DTD1: variants seen among roughly 807,000 people sequenced by gnomAD.
The protein encoded by DTD1 is D-aminoacyl-tRNA deacylase 1, also known as D-tyrosyl-tRNA deacylase 1 homolog.
In DTD1, 13 loss-of-function variants were observed where a neutral mutation model predicts 25.6. The observed-to-expected ratio is 0.51, with a 90% CI of 0.33 to 0.81. The LOEUF is 0.81. Ranked by LOEUF, DTD1 falls within the 30% of genes least tolerant of loss-of-function variation. The pLI is 0.02. For missense variants in DTD1, 193 were observed against 266.4 expected (o/e 0.72, Z 1.92); for synonymous variants, 110 against 103.6 (o/e 1.06, Z -0.37).
At chr20:18,636,162 A>C (rs1177035286) in intron 4 of DTD1, among the ~76,000 whole-genome samples, 5 of 152,198 alleles carry the variant, frequency 3.3e-5, no homozygotes, top group South Asian at 2.1e-4. Flanking sequence ...TTAAAAAAAA[A>C]CGAACTCCTT....
At chr20:18,719,950 A>C (rs1313082629) in intron 4 of DTD1, among the ~76,000 whole-genome samples, 1 of 152,264 alleles carries the variant, frequency 6.6e-6, no homozygotes, top group South Asian at 2.1e-4. Flanking sequence ...CTCAGTTAAA[A>C]GCCTGAGGCA....
At chr20:18,734,609 GC>G (rs2061249304) in intron 4 of DTD1, among the ~76,000 whole-genome samples, 1 of 152,204 alleles carries the variant, frequency 6.6e-6, no homozygotes, top group African/African-American at 2.4e-5. Flanking sequence ...CAGAGAAACA[GC>G]CTAAACCATT....
intron 4 of DTD1, among the ~76,000 whole-genome samples, chr20:18,634,355 C>T (rs2060799460): frequency 2.6e-5 from 4 of 152,174 alleles, no homozygotes; most frequent in Admixed American, 2.6e-4. Flanking sequence ...TCCCTGGGGC[C>T]TAGGGCCCAC....
At chr20:18,723,804 T>G (rs2061214023) in intron 4 of DTD1, among the ~76,000 whole-genome samples, 2 of 152,246 alleles carry the variant, frequency 1.3e-5, no homozygotes, top group Admixed American at 1.3e-4. Flanking sequence ...TCAGATATTT[T>G]TGCTACAGGT....
chr20:18,712,710 T>G (rs1454460932), intron 4 of DTD1, among the ~76,000 whole-genome samples: 1 of 152,174 alleles, frequency 6.6e-6, no homozygotes, highest in African/African-American at 2.4e-5. Context: ...AATGCACATA[T>G]TTGGGATCCA....
At chr20:18,609,516 AT>A (rs5840819) in intron 3 of DTD1, among the ~76,000 whole-genome samples, 76,234 of 150,736 alleles carry the variant, frequency 0.51, 19,560 homozygotes, top group Middle Eastern at 0.56. Flanking sequence ...GCAAACCCAG[AT>A]TTTTTTTTTA....
chr20:18,697,918 C>T (rs1259220264), intron 4 of DTD1, among the ~76,000 whole-genome samples: 1 of 152,120 alleles, frequency 6.6e-6, no homozygotes, highest in Non-Finnish European at 1.5e-5. Context: ...TCTCTCAACT[C>T]ATATAATTTT....
chr20:18,601,422 G>A (rs947204344), intron 3 of DTD1, among the ~76,000 whole-genome samples: 22 of 150,788 alleles, frequency 1.5e-4, no homozygotes, highest in Non-Finnish European at 2.8e-4. Flanking sequence ...TCGCTTGAAC[G>A]TGGGAGGCGC....
At chr20:18,720,712 G>C (rs1429808787) in intron 4 of DTD1, among the ~76,000 whole-genome samples, 2 of 152,116 alleles carry the variant, frequency 1.3e-5, no homozygotes, top group African/African-American at 2.4e-5. Flanking sequence ...ACAAAAATTA[G>C]CCAGGCATGG....
At chr20:18,588,678 C>T in intron 1 of DTD1, 1 of 974,660 alleles carries the variant, frequency 1.0e-6, no homozygotes. Flanking sequence ...TGAGGGGCGC[C>T]CCCTGCCCAG....
Position 18,660,006 on chromosome 20 carries a change from G to T in DTD1, c.477+31773G>T, listed in dbSNP as rs566135688. On this transcript the variant is annotated intron_variant, in intron 4 of 5. Transcript: ENST00000377452. ...CCCAGCACTTTGGGAGGCCGAAGTG[G>T]TGGATCACTTGAGGTCAGAAGAGGA... 1.2e-3 allele frequency among the ~76,000 whole-genome samples: 187 copies of T among 152,248 alleles called. 1 individual carries two copies. Among genetic ancestry groups the T allele is most frequent in the Non-Finnish European group, 1.2e-3 (81 of 68,012 alleles).
intron 4 of DTD1, among the ~76,000 whole-genome samples, chr20:18,639,947 A>G (rs1263132524): frequency 1.3e-5 from 2 of 152,060 alleles, no homozygotes; most frequent in East Asian, 3.8e-4. Context: ...GCTATTATTA[A>G]CCATTCGTGT....
chr20:18,607,914 A>G (rs1405403959), intron 3 of DTD1, among the ~76,000 whole-genome samples: 1 of 152,024 alleles, frequency 6.6e-6, no homozygotes, highest in Admixed American at 6.6e-5. Flanking sequence ...GGGTTTCACC[A>G]TGTTGGCTGG....
chr20:18,692,628 A>G (rs2061051866), intron 4 of DTD1, among the ~76,000 whole-genome samples: 1 of 152,192 alleles, frequency 6.6e-6, no homozygotes, highest in South Asian at 2.1e-4. Context: ...AGGCAGAGCC[A>G]TCTGGGCTGG....
chr20:18,704,086 C>T (rs1198542021), intron 4 of DTD1, among the ~76,000 whole-genome samples: 2 of 151,852 alleles, frequency 1.3e-5, no homozygotes, highest in Non-Finnish European at 2.9e-5. Flanking sequence ...CTGCAAGCTC[C>T]GCCTCTGGGG....
chr20:18,713,344 A>G (rs1463948024), intron 4 of DTD1, among the ~76,000 whole-genome samples: 1 of 152,228 alleles, frequency 6.6e-6, no homozygotes, highest in African/African-American at 2.4e-5. Flanking sequence ...TCCTTCAGAA[A>G]TGTCCTCTTG....
intron 4 of DTD1, chr20:18,675,551 C>T (rs1379059946): frequency 6.6e-6 from 1 of 151,834 alleles, no homozygotes; most frequent in Non-Finnish European, 1.5e-5. Context: ...GTATCCTTGC[C>T]AAATGTCTCG....
At chr20:18,649,537 CTG>C (rs1025898715) in intron 4 of DTD1, among the ~76,000 whole-genome samples, 3 of 151,768 alleles carry the variant, frequency 2.0e-5, no homozygotes, top group African/African-American at 7.3e-5. Context: ...TGGGGTTTCA[CTG>C]TGTTAGCCAG....
chr20:18,697,870 G>A (rs1343086829), intron 4 of DTD1, among the ~76,000 whole-genome samples: 1 of 152,186 alleles, frequency 6.6e-6, no homozygotes, highest in African/African-American at 2.4e-5. Context: ...ATTTTTAGTA[G>A]AGACGGGGTT....
Sources: gnomAD v4.1 joint callset for allele counts (sites outside exome capture counted in the v4.1 genomes callset) on GRCh38, gnomAD v4.1.1 for gene constraint, MANE v1.5 for transcripts, NCBI Gene and HGNC (gene_info 2026-07-23, HGNC 2026-07-21) for gene names.